NCAPH2: variants seen among roughly 807,000 people sequenced by gnomAD.
The protein encoded by NCAPH2 is condensin-2 complex subunit H2.
Under a neutral mutation model 88.6 loss-of-function variants are expected in NCAPH2, and 56 were observed. The ratio of observed to expected loss-of-function variants is 0.63; its 90% CI spans 0.51 to 0.79. The LOEUF is 0.79. Among genes scored for constraint, NCAPH2 ranks in the 30% least tolerant of loss-of-function variants. The pLI, the probability that NCAPH2 is intolerant of heterozygous loss-of-function variation, is 0.00. For missense variants in NCAPH2, 794 were observed against 792.0 expected, an observed-to-expected ratio of 1.00 and a Z score of -0.03; for synonymous variants, 378 against 313.6, an observed-to-expected ratio of 1.21 and a Z score of -2.17.
At chr22:50,521,477 A>G in intron 10 of NCAPH2, 66 bp from the exon 11 acceptor site, 1 of 1,521,562 alleles carries the variant, frequency 6.6e-7, no homozygotes, top group Non-Finnish European at 9.1e-7. Context: ...TGCATCCCCT[A>G]CTCCTTTGGG....
At position 50,519,463 on chromosome 22, in the gene NCAPH2, C is replaced by T. The variant is rs1344370349; in HGVS notation, c.861+143C>T. On this transcript the variant is annotated intron_variant, in intron 9 of 19. Transcript: ENST00000420993. ...CTGGGGCAGAAGCCCACCTGTCTTGCAGCCCGTCCTGCAACCAGCCCTTTT... is the reference window on the plus strand; with the variant it reads ...CTGGGGCAGAAGCCCACCTGTCTTGTAGCCCGTCCTGCAACCAGCCCTTTT... 3 of 1,449,524 alleles carry T rather than the reference C, an allele frequency of 2.1e-6. No individual in the cohort carries two copies. The African/African-American group carries it at 4.3e-5, about 21-fold the overall frequency. 89.8% of individuals were successfully genotyped at this position (1,449,524 alleles called of 1,614,324 possible).
Position 50,511,698 on chromosome 22 carries a change from T to G in NCAPH2, c.108+3253T>G, listed in dbSNP as rs188520939. Among the ~76,000 whole-genome samples the G allele has an allele frequency of 8.1e-3, 1,094 of 135,412 alleles. 199 individuals carry two copies. Among genetic ancestry groups the G allele is most frequent in the African/African-American group, 0.03 (1,012 of 33,498 alleles). The allele number at this position is 135,412 out of a possible 152,430, so 88.8% of individuals were successfully genotyped here. A position where few individuals can be genotyped will look rare whatever the true frequency, so the allele number is the denominator to read the frequency against. On this transcript the variant is annotated intron_variant, in intron 1 of 19. Transcript: ENST00000420993. ...TCTTGCCCTGTGGCCCAAGTTGGAG[T>G]GCAGTGGCACAATCTCGGCTCACTG... is the stretch of plus-strand genomic sequence containing the variant.
rs148145478 is a variant in NCAPH2 at position 50,521,807 on chromosome 22, C to T, written c.1067C>T (p.Ala356Val). 6 of 1,613,822 alleles carry T rather than the reference C, an allele frequency of 3.7e-6. No individual in the cohort carries two copies. The highest frequency in any genetic ancestry group is 1.3e-5 in the African/African-American group (1 of 74,948). The change falls in exon 12 of 20, where the codon GCT becomes GTT. Residue 356 changes from alanine to valine, a missense_variant. Ala to Val is a moderately conservative substitution (Grantham distance 64). Transcript: ENST00000420993. ...ALGQKRKRKG[A>V]AKLQDFHQWY... ...GGACAGAAGCGCAAGAGGAAGGGCG[C>T]TGCCAAGCTGCAGGACTTCCACCAG...
chr22:50,524,677 A>G lies in NCAPH2; in HGVS notation c.*1302A>G, dbSNP rs1440954838. 1.5e-6 allele frequency: 1 copy of G among 680,262 alleles called. No individual in the cohort carries two copies. Among genetic ancestry groups the G allele is most frequent in the Non-Finnish European group, 2.8e-6 (1 of 361,448 alleles). 42.1% of individuals were successfully genotyped at this position (680,262 alleles called of 1,614,324 possible). The stretch of plus-strand genomic sequence containing the variant: ...TCACCGCACCCTGCCCTGCACCTGC[A>G]CCTCAGCAAGGTGAACCTCTTGCTG... On this transcript the variant is annotated 3_prime_UTR_variant, in exon 20 of 20. Transcript: ENST00000420993.
In NCAPH2 at chr22:50,508,365, C is replaced by T. The variant is rs2068683197; in HGVS notation, c.28C>T (p.His10Tyr). The change falls in exon 1 of 20, where the codon CAC becomes TAC. Residue 10 changes from histidine to tyrosine, a missense_variant. His to Tyr is a moderately conservative substitution (Grantham distance 83). This residue lies in a region of NCAPH2 where 59 missense variants were observed against 95.7 expected (regional missense o/e 0.62). Coordinates refer to ENST00000420993, the MANE Select transcript of NCAPH2 (RefSeq NM_152299.4). ...GGAGGACGTGGAGGCGCGCTTCGCC[C>T]ACCTCTTGCAGCCCATCCGCGACCT... MEDVEARFA[H>Y]LLQPIRDLTK... is the part of the protein sequence containing the mutation. The T allele has an allele frequency of 2.0e-6, 3 of 1,483,020 alleles. No homozygotes were observed. Among genetic ancestry groups the T allele is most frequent in the Non-Finnish European group, 2.7e-6 (3 of 1,121,166 alleles). The allele number at this position is 1,483,020 out of a possible 1,614,324, so 91.9% of individuals were successfully genotyped here.
At chr22:50,521,951 T>C (rs1188426950) in intron 12 of NCAPH2, 35 bp from the exon 13 acceptor site, 1 of 1,613,858 alleles carries the variant, frequency 6.2e-7, no homozygotes, top group South Asian at 1.1e-5. Flanking sequence ...TGGGCAGCTC[T>C]TGGCCTGGCT....
At chr22:50,509,788 G>A (rs371804217) in intron 1 of NCAPH2, among the ~76,000 whole-genome samples, 1 of 151,968 alleles carries the variant, frequency 6.6e-6, no homozygotes, top group African/African-American at 2.4e-5. Flanking sequence ...ACCTGGCTCT[G>A]CTCTCCATTT....
At chr22:50,512,980 C>G (rs545491894) in intron 1 of NCAPH2, among the ~76,000 whole-genome samples, 1 of 152,216 alleles carries the variant, frequency 6.6e-6, no homozygotes, top group South Asian at 2.1e-4. Flanking sequence ...AAATGATAAT[C>G]CCCACTATGG....
At chr22:50,521,939 TG>T in intron 12 of NCAPH2, 46 bp from the exon 13 acceptor site, 1 of 1,613,762 alleles carries the variant, frequency 6.2e-7, no homozygotes, top group South Asian at 1.1e-5. Context: ...TTCCCAATGC[TG>T]TGGGCAGCTC....
Position 50,521,821 on chromosome 22 carries a change from G to A in NCAPH2, c.1081G>A (p.Asp361Asn). 6.2e-7 allele frequency: 1 copy of A among 1,613,954 alleles called. No individual in the cohort carries two copies. The highest frequency in any genetic ancestry group is 8.5e-7 in the Non-Finnish European group (1 of 1,180,038). The change falls in exon 12 of 20, where the codon GAC (aspartate) becomes AAC (asparagine). Residue 361 changes from aspartate to asparagine, a missense_variant. Asp to Asn is a conservative substitution (Grantham distance 23). Coordinates refer to ENST00000420993, the MANE Select transcript of NCAPH2 (RefSeq NM_152299.4). Reference protein sequence around the residue: ...RKRKGAAKLQDFHQWYLAAYA... With the variant: ...RKRKGAAKLQNFHQWYLAAYA... ...GAGGAAGGGCGCTGCCAAGCTGCAG[G>A]ACTTCCACCAGTGGTACCTGGCTGC... is the stretch of plus-strand genomic sequence containing the variant.
chr22:50,508,799 G>C (rs1396195591), intron 1 of NCAPH2, among the ~76,000 whole-genome samples: 1 of 152,220 alleles, frequency 6.6e-6, no homozygotes, highest in Admixed American at 6.5e-5. Context: ...GAGAGGTCTG[G>C]ATCACGATGT....
intron 8 of NCAPH2, 48 bp downstream of exon 8, chr22:50,518,780 G>A (rs1471541319): frequency 6.5e-7 from 1 of 1,534,262 alleles, no homozygotes; most frequent in South Asian, 1.2e-5. Context: ...CCAAAGAGGG[G>A]ACCAGGGAGG....
At chr22:50,513,554 T>G (rs2068842188) in intron 1 of NCAPH2, among the ~76,000 whole-genome samples, 1 of 151,928 alleles carries the variant, frequency 6.6e-6, no homozygotes, top group South Asian at 2.1e-4. Context: ...AGGTCAGGAG[T>G]TCGAGATGAG....
In NCAPH2 at chr22:50,522,737, GGGAGACGGGGA is replaced by G. The variant is rs1380194381; in HGVS notation, c.1425+20_1425+30del. 1 of 1,612,566 alleles carries G rather than the reference GGGAGACGGGGA, an allele frequency of 6.2e-7. No individual in the cohort carries two copies. The highest frequency in any genetic ancestry group is 8.5e-7 in the Non-Finnish European group (1 of 1,179,362). On this transcript the variant is annotated intron_variant, in intron 17 of 19. Coordinates refer to ENST00000420993, the MANE Select transcript of NCAPH2 (RefSeq NM_152299.4). ...AGGAATGTGGTAGGCCTGGGTTAGA[GGGAGACGGGGA>G]GGGGAGGGGGACAGGTGAGCGGTGC...
rs1462113151 is a variant in NCAPH2, at chr22:50,522,653, A to T, written c.1376-18A>T. The stretch of plus-strand genomic sequence containing the variant: ...GCGTGGCCCCTTAGCTGCCCAGCTC[A>T]CAGCTACCCCTTCCCAGACGCAGTG... On this transcript the variant is annotated intron_variant, in intron 16 of 19. Transcript: ENST00000420993. The T allele has an allele frequency of 6.2e-7, 1 of 1,613,526 alleles. No individual in the cohort carries two copies. The highest frequency in any genetic ancestry group is 8.5e-7 in the Non-Finnish European group (1 of 1,179,990).
At chr22:50,511,029 G>C (rs1472748587) in intron 1 of NCAPH2, among the ~76,000 whole-genome samples, 1 of 150,536 alleles carries the variant, frequency 6.6e-6, no homozygotes, top group African/African-American at 2.4e-5. Flanking sequence ...TGTATTTTTA[G>C]TAGAGACGGG....
intron 7 of NCAPH2, 108 bp from the exon 8 acceptor site, chr22:50,518,541 C>T: frequency 8.3e-7 from 1 of 1,205,384 alleles, no homozygotes; most frequent in Non-Finnish European, 1.2e-6. Flanking sequence ...CTGGAGTCTG[C>T]TGGTCTCTGC....
rs2069019017 is a variant in NCAPH2, at chr22:50,519,338, G to T, written c.861+18G>T. 1.9e-6 allele frequency: 3 copies of T among 1,609,606 alleles called. No individual in the cohort carries two copies. The highest frequency in any genetic ancestry group is 2.5e-6 in the Non-Finnish European group (3 of 1,178,642). On this transcript the variant is annotated intron_variant, in intron 9 of 19. Coordinates refer to ENST00000420993, the MANE Select transcript of NCAPH2 (RefSeq NM_152299.4). ...CGCAGCAGGTGGGACCCACATGGAG[G>T]CCTGCAGAACCTGAGCTGTGAACTG...
At chr22:50,515,695 CTTTT>C (rs131819) in intron 1 of NCAPH2, 125 of 1,070,644 alleles carry the variant, frequency 1.2e-4, no homozygotes, top group Non-Finnish European at 1.2e-4. Context: ...CGCACCCGGC[CTTTT>C]TTTTTTTTTT....
Sources: gnomAD v4.1 joint callset for allele counts (sites outside exome capture counted in the v4.1 genomes callset) on GRCh38, gnomAD v4.1.1 for gene constraint, gnomAD v4.1.1 regional missense constraint, MANE v1.5 for transcripts, NCBI Gene and HGNC (gene_info 2026-07-23, HGNC 2026-07-21) for gene names.